The following DNASE1L3 variants were observed in gnomAD, a reference collection of about 807,000 sequenced individuals.
The protein encoded by DNASE1L3 is deoxyribonuclease gamma.
A neutral mutation model predicts 30.9 loss-of-function variants in DNASE1L3; 27 were observed. That is an observed-to-expected ratio of 0.87 (90% CI 0.64 to 1.20). DNASE1L3 has a LOEUF of 1.20. Among genes scored for constraint, DNASE1L3 ranks in the 50% most tolerant of loss-of-function variants. The pLI, the probability that DNASE1L3 is intolerant of heterozygous loss-of-function variation, is 0.00. For synonymous variants in DNASE1L3, 135 were observed against 138.0 expected (o/e 0.98, Z 0.15); for missense variants, 364 against 378.2 (o/e 0.96, Z 0.31).
At chr3:58,194,114 T>A (rs1481891274) in intron 6 of DNASE1L3, among the ~76,000 whole-genome samples, 2 of 152,094 alleles carry the variant, frequency 1.3e-5, no homozygotes, top group African/African-American at 2.4e-5. Context: ...AAAGTAAGAA[T>A]GAGGTAGTCA....
rs184171943 is a variant in DNASE1L3, at chr3:58,197,534, C to G, written c.704+287G>C. Among the ~76,000 whole-genome samples the G allele has an allele frequency of 4.1e-4, 62 of 152,284 alleles. 1 individual carries two copies. In the East Asian group the frequency reaches 8.7e-3, roughly 21 times the overall value. On this transcript the variant is annotated intron_variant, in intron 6 of 7. Transcript: ENST00000394549. This position sits in a 1 kb window ranked among gnomAD's most constrained non-coding sequence, Gnocchi z 5.3. The stretch of plus-strand genomic sequence containing the variant: ...GTGGTGCGATCCTGGCTCACTGCAG[C>G]CTCCACCTTCTGGGCTCAAGCGATC...
At chr3:58,204,623 G>A (rs1015833870) in intron 4 of DNASE1L3, 146 bp downstream of exon 4, 1 of 667,956 alleles carries the variant, frequency 1.5e-6, no homozygotes, top group African/African-American at 1.8e-5. Flanking sequence ...CCATCACACT[G>A]AACTGCATCG....
At chr3:58,201,752 A>G (rs1575497831) in intron 4 of DNASE1L3, among the ~76,000 whole-genome samples, 1 of 152,390 alleles carries the variant, frequency 6.6e-6, no homozygotes, top group East Asian at 1.9e-4. Flanking sequence ...TCCAGCCAAT[A>G]GAGAGACAGG....
intron 4 of DNASE1L3, 145 bp downstream of exon 4, chr3:58,204,624 A>G: frequency 1.5e-6 from 1 of 670,470 alleles, no homozygotes; most frequent in Non-Finnish European, 2.6e-6. Flanking sequence ...CATCACACTG[A>G]ACTGCATCGT....
In DNASE1L3 at chr3:58,210,795, C is replaced by G. The variant is rs148208826; in HGVS notation, c.112G>C (p.Asp38His). 331 of 1,614,192 alleles carry G rather than the reference C, an allele frequency of 2.1e-4. No homozygotes were observed. The highest frequency in any genetic ancestry group is 1.3e-3 in the Middle Eastern group (8 of 6,062). The stretch of plus-strand genomic sequence containing the variant: ...ACAATGACATCCATGGCATTCTTGT[C>G]TTCCTGCTTGCTTTCCCCAAAGGAC... ...VRSFGESKQE[D>H]KNAMDVIVKV... Residue 38 changes from aspartate (D) to histidine (H), a missense_variant, in exon 1 of 8, where the codon GAC becomes CAC. By Grantham distance (81) the Asp-to-His change is moderately conservative. Coordinates refer to ENST00000394549, the MANE Select transcript of DNASE1L3 (RefSeq NM_004944.4).
chr3:58,201,858 C>T (rs192011692), intron 4 of DNASE1L3, among the ~76,000 whole-genome samples: 2 of 152,282 alleles, frequency 1.3e-5, no homozygotes, highest in Non-Finnish European at 1.5e-5. Context: ...AAGGAGCACC[C>T]TTTCTGCAGA....
At position 58,206,432 on chromosome 3, in the gene DNASE1L3, G is replaced by A. The variant is rs116014248; in HGVS notation, c.231-872C>T. 2.6e-3 allele frequency among the ~76,000 whole-genome samples: 389 copies of A among 152,312 alleles called. 2 individuals are homozygous for A. Among genetic ancestry groups the A allele is most frequent in the African/African-American group, 8.2e-3 (340 of 41,564 alleles). ...ACTTAGCCCCTGGGGCCCCAGGAGT[G>A]TGAACAGTAGGTTCTGCCGGGCTTC... On this transcript the variant is annotated intron_variant, in intron 2 of 7. Coordinates refer to ENST00000394549, the MANE Select transcript of DNASE1L3 (RefSeq NM_004944.4).
At chr3:58,198,059 C>A in intron 5 of DNASE1L3, 81 bp from the exon 6 acceptor site, 1 of 1,452,920 alleles carries the variant, frequency 6.9e-7, no homozygotes. Context: ...AAAGACTCTG[C>A]GTCCCAGGCC....
chr3:58,193,461 CA>C (rs1261953377), intron 6 of DNASE1L3, 22 bp from the exon 7 acceptor site: 15 of 1,596,690 alleles, frequency 9.4e-6, no homozygotes, highest in Non-Finnish European at 8.6e-7. Flanking sequence ...GGAGGGAAAA[CA>C]GTTGTGTTAA....
chr3:58,209,434 T>C (rs912172816), intron 1 of DNASE1L3, among the ~76,000 whole-genome samples: 1 of 152,222 alleles, frequency 6.6e-6, no homozygotes, highest in Non-Finnish European at 1.5e-5. Context: ...TTGCCTTGCA[T>C]GTCAGGGTTT....
chr3:58,203,316 G>A (rs990952632), intron 4 of DNASE1L3, among the ~76,000 whole-genome samples: 1 of 152,126 alleles, frequency 6.6e-6, no homozygotes. Flanking sequence ...CCACTTCTGA[G>A]CTTTTGTGCT....
intron 4 of DNASE1L3, among the ~76,000 whole-genome samples, chr3:58,203,612 A>G (rs1232629306): frequency 1.3e-5 from 2 of 152,230 alleles, no homozygotes; most frequent in African/African-American, 4.8e-5. Context: ...AGCCTAGGCA[A>G]CATAGCGAGA....
At chr3:58,207,200 G>A (rs1032993330) in intron 2 of DNASE1L3, among the ~76,000 whole-genome samples, 13 of 151,852 alleles carry the variant, frequency 8.6e-5, no homozygotes, top group South Asian at 2.1e-4. Flanking sequence ...GCAAAACCCC[G>A]ACTCCACTAA....
intron 5 of DNASE1L3, among the ~76,000 whole-genome samples, chr3:58,198,916 T>C (rs2097398963): frequency 6.6e-6 from 1 of 152,108 alleles, no homozygotes; most frequent in Non-Finnish European, 1.5e-5. Context: ...GAGTGAGCTG[T>C]CCACCCCCAC....
intron 5 of DNASE1L3, among the ~76,000 whole-genome samples, chr3:58,198,460 T>C (rs2097398711): frequency 6.6e-6 from 1 of 152,230 alleles, no homozygotes; most frequent in South Asian, 2.1e-4. Flanking sequence ...CAGTCTTCAG[T>C]ATGGTACTTT....
intron 1 of DNASE1L3, among the ~76,000 whole-genome samples, chr3:58,210,500 C>G (rs530528853): frequency 6.6e-6 from 1 of 152,198 alleles, no homozygotes; most frequent in Non-Finnish European, 1.5e-5. Flanking sequence ...TTATCTGGAA[C>G]GTATAATGAG....
rs137964144 is a variant in DNASE1L3 at position 58,202,456 on chromosome 3, C to G, written c.434-1347G>C. On this transcript the variant is annotated intron_variant, in intron 4 of 7. Transcript: ENST00000394549. The stretch of plus-strand genomic sequence containing the variant: ...GGGATTACAGGTGTGAGCCACCACA[C>G]CCAGCTGGGAGTTACAAAAAGAGTA... Among the ~76,000 whole-genome samples the G allele has an allele frequency of 4.0e-3, 604 of 151,400 alleles. 6 individuals carry two copies. The highest frequency in any genetic ancestry group is 0.014 in the African/African-American group (578 of 41,248).
chr3:58,193,485 T>C (rs1269022315), intron 6 of DNASE1L3, 46 bp from the exon 7 acceptor site: 1 of 1,532,124 alleles, frequency 6.5e-7, no homozygotes, highest in Admixed American at 1.7e-5. Flanking sequence ...CAACCTGTGA[T>C]TGCTGAGATC....
Position 58,204,826 on chromosome 3 carries a change from C to A in DNASE1L3, c.376G>T (p.Asp126Tyr), listed in dbSNP as rs369165467. 2.5e-6 allele frequency: 4 copies of A among 1,614,096 alleles called. No individual in the cohort carries two copies. Among genetic ancestry groups the A allele is most frequent in the Non-Finnish European group, 3.4e-6 (4 of 1,180,046 alleles). The change falls in exon 4 of 8, where the codon GAC becomes TAC. Residue 126 changes from aspartate to tyrosine, a missense_variant. Physicochemically the swap from Asp to Tyr is radical, Grantham distance 160. Transcript: ENST00000394549. ...GGCTCCCTGGAAAACACATCTGCGT[C>A]TCCATCCTGATAGTCATGGTAGTGA... ...SYHYHDYQDG[D>Y]ADVFSREPFV...
Sources: gnomAD v4.1 joint callset for allele counts (sites outside exome capture counted in the v4.1 genomes callset) on GRCh38, gnomAD v4.1.1 for gene constraint, Gnocchi (gnomAD v3.1) non-coding constraint, MANE v1.5 for transcripts, NCBI Gene and HGNC (gene_info 2026-07-23, HGNC 2026-07-21) for gene names.